Variants in SMARCD2 observed in about 807,000 individuals in gnomAD.
The protein encoded by SMARCD2 is SWI/SNF related BAF chromatin remodeling complex subunit D2.
In SMARCD2, 39 loss-of-function variants were observed where a neutral mutation model predicts 70.4. That is an observed-to-expected ratio of 0.55 (90% CI 0.43 to 0.72). The LOEUF (loss-of-function observed/expected upper bound fraction) is 0.72, where lower values mean the gene tolerates loss of function less well. SMARCD2 is among the 30% of genes least tolerant of loss of function. SMARCD2 has a pLI of 0.00. For synonymous variants in SMARCD2, 249 were observed against 279.4 expected (o/e 0.89, Z 1.08); for missense variants, 540 against 713.4 (o/e 0.76, Z 2.77).
chr17:63,841,958 T>C (rs945072032), intron 1 of SMARCD2, among the ~76,000 whole-genome samples: 5 of 152,186 alleles, frequency 3.3e-5, no homozygotes, highest in African/African-American at 1.2e-4. Context: ...CCCGTGCCCG[T>C]GGGAAGCCAG....
At chr17:63,839,228 C>T in intron 1 of SMARCD2, 2 of 985,388 alleles carry the variant, frequency 2.0e-6, no homozygotes, top group Non-Finnish European at 2.4e-6. Flanking sequence ...CTAGTTTTTC[C>T]TAGTGCCTGA....
At chr17:63,842,046 G>A (rs1904484137) in intron 1 of SMARCD2, among the ~76,000 whole-genome samples, 1 of 152,176 alleles carries the variant, frequency 6.6e-6, no homozygotes, top group Non-Finnish European at 1.5e-5. Flanking sequence ...AGAAAAAACA[G>A]GGCAGACTTG....
At position 63,842,603 on chromosome 17, in the gene SMARCD2, G is replaced by T; in HGVS notation, c.72C>A (p.Ala24=). The part of the protein sequence containing the change: ...LSPGGGAVAA[A]LGAPPPPAGP... ...CCGCGGGGGGAGGCGGCGCTCCCAG[G>T]GCCGCAGCCACGGCGCCGCCGCCAG... The change falls in exon 1 of 13, where the codon GCC becomes GCA. Residue 24 remains alanine, a synonymous_variant. Coordinates refer to ENST00000448276, the MANE Select transcript of SMARCD2 (RefSeq NM_001098426.2). 8.2e-7 allele frequency: 1 copy of T among 1,222,290 alleles called. No individual in the cohort carries two copies. 75.7% of individuals were successfully genotyped at this position (1,222,290 alleles called of 1,614,324 possible). A position where few individuals can be genotyped will look rare whatever the true frequency, so the allele number is the denominator to read the frequency against.
intron 1 of SMARCD2, chr17:63,838,863 G>C (rs1904326085): frequency 2.4e-6 from 3 of 1,245,778 alleles, no homozygotes; most frequent in African/African-American, 1.5e-5. Flanking sequence ...ATGGAGATGA[G>C]ATTCTTCCCC....
In SMARCD2 at chr17:63,833,682, TGTC is replaced by T. The variant is rs1382086915; in HGVS notation, c.1219_1221del (p.Asp407del). The stretch of plus-strand genomic sequence containing the variant: ...AGTGGGTCGTCCACCTCCACATCGA[TGTC>T]GTAACAGGCTGTCTTCTTCTGGTCG... On this transcript the variant is annotated inframe_deletion, in exon 10 of 13. Coordinates refer to ENST00000448276, the MANE Select transcript of SMARCD2 (RefSeq NM_001098426.2). The surrounding 1 kb of genome is among the most constrained non-coding windows in gnomAD (Gnocchi z 4.3). 1.9e-6 allele frequency: 3 copies of T among 1,613,974 alleles called. No homozygotes were observed. The highest frequency in any genetic ancestry group is 2.5e-6 in the Non-Finnish European group (3 of 1,179,876).
chr17:63,838,966 C>T (rs1369886353), intron 1 of SMARCD2: 9 of 985,088 alleles, frequency 9.1e-6, no homozygotes, highest in African/African-American at 3.5e-5. Context: ...GACCCACAGA[C>T]GTGAGGATGG....
chr17:63,836,729 G>T (rs2040270829), intron 4 of SMARCD2, 193 bp downstream of exon 4: 1 of 550,272 alleles, frequency 1.8e-6, no homozygotes, highest in Non-Finnish European at 3.3e-6. Flanking sequence ...AGTATTTTAA[G>T]ATTTTCTACT....
In SMARCD2 at chr17:63,833,154, A is replaced by G. The variant is rs1130111; in HGVS notation, c.1457T>C (p.Ile486Thr). The change falls in exon 12 of 13, where the codon ATT becomes ACT. Residue 486 changes from isoleucine (I) to threonine (T), a missense_variant. Coordinates refer to ENST00000448276, the MANE Select transcript of SMARCD2 (RefSeq NM_001098426.2). The surrounding 1 kb of genome is among the most constrained non-coding windows in gnomAD (Gnocchi z 4.3). ...RRDLKIITDV[I>T]GNPEEERRAA... is the part of the protein sequence containing the mutation. ...TCGTCTCTCCTCCTCAGGATTTCCAATCACATCAGTGATGATCTGCAAAGA... is the reference window on the plus strand; with the variant it reads ...TCGTCTCTCCTCCTCAGGATTTCCAGTCACATCAGTGATGATCTGCAAAGA... The G allele has an allele frequency of 1.0e-3, 1,651 of 1,608,504 alleles. 18 individuals are homozygous for G. The African/African-American group carries it at 0.02, about 19-fold the overall frequency.
rs1030613315 is a variant in SMARCD2 at position 63,835,259 on chromosome 17, A to C, written c.723+153T>G. On this transcript the variant is annotated intron_variant, in intron 5 of 12. Coordinates refer to ENST00000448276, the MANE Select transcript of SMARCD2 (RefSeq NM_001098426.2). ...TGCATCAGCCTTATGAGTAGCTGGG[A>C]CTACAGGTGCATGCCACCGCACCCA... 7.8e-5 allele frequency: 54 copies of C among 693,292 alleles called. No homozygotes were observed. The Admixed American group carries it at 1.5e-3, about 20-fold the overall frequency. 42.9% of individuals were successfully genotyped at this position (693,292 alleles called of 1,614,324 possible).
Position 63,834,110 on chromosome 17 carries a change from G to C in SMARCD2, c.1083+57C>G. On this transcript the variant is annotated intron_variant, in intron 8 of 12. Transcript: ENST00000448276. The surrounding 1 kb of genome is among the most constrained non-coding windows in gnomAD (Gnocchi z 5.6). ...GTCTGCAGGCTGTGGCCAAGGAGTA[G>C]CCCAGCAGGCAAGGCAAAGCAAGGG... The C allele has an allele frequency of 1.2e-6, 2 of 1,603,114 alleles. No individual in the cohort carries two copies. Among genetic ancestry groups the C allele is most frequent in the Non-Finnish European group, 1.7e-6 (2 of 1,171,574 alleles).
chr17:63,840,450 A>G (rs886761993), intron 1 of SMARCD2, among the ~76,000 whole-genome samples: 18 of 152,102 alleles, frequency 1.2e-4, no homozygotes, highest in Admixed American at 9.2e-4. Flanking sequence ...CTAGGATTAC[A>G]GGTGTGAGCC....
chr17:63,842,596 C>T lies in SMARCD2; in HGVS notation c.79G>A (p.Ala27Thr). 1 of 1,216,740 alleles carries T rather than the reference C, an allele frequency of 8.2e-7. No homozygotes were observed. The highest frequency in any genetic ancestry group is 1.0e-6 in the Non-Finnish European group (1 of 978,790). The allele number at this position is 1,216,740 out of a possible 1,614,324, so 75.4% of individuals were successfully genotyped here. ...GGGAVAAALGAPPPPAGPGML... is the reference protein window; with the variant it reads ...GGGAVAAALGTPPPPAGPGML... Reference sequence around the variant, plus strand: ...CCGGGTCCCGCGGGGGGAGGCGGCGCTCCCAGGGCCGCAGCCACGGCGCCG... The same window carrying T: ...CCGGGTCCCGCGGGGGGAGGCGGCGTTCCCAGGGCCGCAGCCACGGCGCCG... The change falls in exon 1 of 13, where the codon GCG becomes ACG. Residue 27 changes from alanine to threonine, a missense_variant. Coordinates refer to ENST00000448276, the MANE Select transcript of SMARCD2 (RefSeq NM_001098426.2).
At chr17:63,842,386 G>C in intron 1 of SMARCD2, 73 bp downstream of exon 1, 1 of 1,259,854 alleles carries the variant, frequency 7.9e-7, no homozygotes, top group Non-Finnish European at 1.0e-6. Flanking sequence ...CTCACTCGAG[G>C]CCCCTTCAGC....
chr17:63,832,246 G>T lies in SMARCD2; in HGVS notation c.*692C>A, dbSNP rs2040200422. 2 of 501,510 alleles carry T rather than the reference G, an allele frequency of 4.0e-6. No individual in the cohort carries two copies. Among genetic ancestry groups the T allele is most frequent in the East Asian group, 7.1e-5 (2 of 28,228 alleles). The allele number at this position is 501,510 out of a possible 1,614,324, so 31.1% of individuals were successfully genotyped here. A position where few individuals can be genotyped will look rare whatever the true frequency, so the allele number is the denominator to read the frequency against. On this transcript the variant is annotated 3_prime_UTR_variant, in exon 13 of 13. Transcript: ENST00000448276. ...CACATGCACATACCCCATACCTCAGGCCATGCTAGAGAACTGGAGTGTCCC... is the reference window on the plus strand; with the variant it reads ...CACATGCACATACCCCATACCTCAGTCCATGCTAGAGAACTGGAGTGTCCC...
Position 63,833,064 on chromosome 17 carries a change from C to A in SMARCD2, c.1542+5G>T. 6.3e-7 allele frequency: 1 copy of A among 1,592,502 alleles called. No homozygotes were observed. Among genetic ancestry groups the A allele is most frequent in the South Asian group, 1.1e-5 (1 of 87,634 alleles). On this transcript the variant is annotated splice_donor_5th_base_variant and intron_variant, in intron 12 of 12. Transcript: ENST00000448276. This position sits in a 1 kb window ranked among gnomAD's most constrained non-coding sequence, Gnocchi z 4.3. ...CAAAGGAGGGAAAACAGGGCAGAGC[C>A]TCACCTTGGCAAAGATGTGCCTGCC...
chr17:63,832,800 T>G lies in SMARCD2; in HGVS notation c.*138A>C. 2.7e-6 allele frequency: 2 copies of G among 741,594 alleles called. No homozygotes were observed. Among genetic ancestry groups the G allele is most frequent in the Non-Finnish European group, 4.7e-6 (2 of 428,236 alleles). 45.9% of individuals were successfully genotyped at this position (741,594 alleles called of 1,614,324 possible). On this transcript the variant is annotated 3_prime_UTR_variant, in exon 13 of 13. Transcript: ENST00000448276. ...AGCAACAAGGAATCCTATCACTACATTTATAAGACTAAAGCTGGAGAGTAG... is the reference window on the plus strand; with the variant it reads ...AGCAACAAGGAATCCTATCACTACAGTTATAAGACTAAAGCTGGAGAGTAG...
At chr17:63,842,302 C>G (rs1000721192) in intron 1 of SMARCD2, 157 bp downstream of exon 1, 1 of 1,133,724 alleles carries the variant, frequency 8.8e-7, no homozygotes, top group Non-Finnish European at 1.1e-6. Context: ...TTCTCCACCG[C>G]GACCCGCCGC....
chr17:63,834,472 AC>A lies in SMARCD2; in HGVS notation c.921+1del. ...CAGAAATGACCCCAGGGTCTCTGTC[AC>A]CTGATGATCCAGCATGAGCAGGAGG... On this transcript the variant is annotated splice_donor_variant, in intron 7 of 12. Transcript: ENST00000448276. LOFTEE classifies it high-confidence loss of function. The surrounding 1 kb of genome is among the most constrained non-coding windows in gnomAD (Gnocchi z 5.6). The A allele has an allele frequency of 6.3e-7, 1 of 1,579,404 alleles. No individual in the cohort carries two copies. The highest frequency in any genetic ancestry group is 8.6e-7 in the Non-Finnish European group (1 of 1,157,746).
chr17:63,833,894 C>G lies in SMARCD2; in HGVS notation c.1181+15G>C, dbSNP rs772168427. 1.3e-6 allele frequency: 2 copies of G among 1,587,682 alleles called. No homozygotes were observed. Among genetic ancestry groups the G allele is most frequent in the Non-Finnish European group, 1.7e-6 (2 of 1,156,200 alleles). The stretch of plus-strand genomic sequence containing the variant: ...GCTCTTAGAAGAGCCTTCCTGTCCC[C>G]CTCCTTGCATTTACCTAATGACATG... On this transcript the variant is annotated intron_variant, in intron 9 of 12. Transcript: ENST00000448276. This position sits in a 1 kb window ranked among gnomAD's most constrained non-coding sequence, Gnocchi z 4.3.
Sources: allele counts gnomAD v4.1 joint callset (sites outside exome capture counted in the v4.1 genomes callset), GRCh38; gene constraint gnomAD v4.1.1; non-coding constraint Gnocchi (gnomAD v3.1); transcripts MANE v1.5; gene names NCBI Gene and HGNC (gene_info 2026-07-23, HGNC 2026-07-21).